C11orf65: variants seen among roughly 807,000 people sequenced by gnomAD.
C11orf65 encodes chromosome 11 open reading frame 65, also known as protein MFI.
C11orf65 carries 38 observed loss-of-function variants against 35.3 expected under a neutral mutation model. That is an observed-to-expected ratio of 1.08 (90% CI 0.83 to 1.41). The LOEUF (loss-of-function observed/expected upper bound fraction) is 1.41. Among genes scored for constraint, C11orf65 ranks in the 40% most tolerant of loss-of-function variants. The pLI is 0.00. For synonymous variants in C11orf65, 105 were observed against 114.4 expected, an observed-to-expected ratio of 0.92 and a Z score of 0.53; for missense variants, 370 against 367.1, an observed-to-expected ratio of 1.01 and a Z score of -0.06.
chr11:108,379,412 T>C (rs1285179081), downstream of C11orf65, among the ~76,000 whole-genome samples: 6 of 135,848 alleles, frequency 4.4e-5, no homozygotes, highest in African/African-American at 1.4e-4. Flanking sequence ...CACTCACAGG[T>C]GGGAATTGAA....
At chr11:108,451,335 A>T (rs1369616937) in intron 2 of C11orf65, among the ~76,000 whole-genome samples, 1 of 152,048 alleles carries the variant, frequency 6.6e-6, no homozygotes, top group Non-Finnish European at 1.5e-5. Flanking sequence ...CAATGTGCAA[A>T]AATCACAAGC....
chr11:108,425,266 AAAG>A (rs1286612264), intron 3 of C11orf65, among the ~76,000 whole-genome samples: 1 of 152,196 alleles, frequency 6.6e-6, no homozygotes, highest in Non-Finnish European at 1.5e-5. Flanking sequence ...CCAGACTAAC[AAAG>A]AAGAGAGAAG....
chr11:108,370,099 C>G (rs1169085748), intron 2 of C11orf65, among the ~76,000 whole-genome samples: 1 of 152,020 alleles, frequency 6.6e-6, no homozygotes, highest in Non-Finnish European at 1.5e-5. Flanking sequence ...GGGATTTTCC[C>G]TTGTTCCTAA....
downstream of C11orf65, among the ~76,000 whole-genome samples, chr11:108,327,066 A>T (rs1412496471): frequency 6.6e-6 from 1 of 152,058 alleles, no homozygotes; most frequent in Non-Finnish European, 1.5e-5. Context: ...GAGCTCAGGC[A>T]ATCTACCCGC....
chr11:108,431,421 A>T (rs1437225363), intron 3 of C11orf65, among the ~76,000 whole-genome samples: 1 of 152,234 alleles, frequency 6.6e-6, no homozygotes, highest in Non-Finnish European at 1.5e-5. Context: ...ATTTATATAC[A>T]GTTCAAAAAC....
intron 2 of C11orf65, among the ~76,000 whole-genome samples, chr11:108,457,954 T>C (rs964585431): frequency 6.6e-6 from 1 of 152,082 alleles, no homozygotes; most frequent in African/African-American, 2.4e-5. Flanking sequence ...TCTCTTCACA[T>C]CTTAGAACAA....
At chr11:108,308,993 T>A in exon 7 of C11orf65, 2 of 1,526,992 alleles carry the variant, frequency 1.3e-6, no homozygotes, top group Non-Finnish European at 1.8e-6. Context: ...TAGAATGGTG[T>A]TGACATTAGC....
At chr11:108,327,570 T>TC (rs34424462), downstream of C11orf65, 2,559 of 1,239,718 alleles carry the variant, frequency 2.1e-3, 46 homozygotes, top group African/African-American at 0.034. Context: ...CCTGCTTTTT[T>TC]CCCCGTACAT....
chr11:108,374,689 G>A (rs1456039112), intron 2 of C11orf65, among the ~76,000 whole-genome samples: 5 of 152,300 alleles, frequency 3.3e-5, no homozygotes, highest in South Asian at 4.1e-4. Context: ...AAACTACTCC[G>A]AGCTACAGGA....
intron 2 of C11orf65, 88 bp downstream of exon 2, chr11:108,461,391 T>G: frequency 2.0e-6 from 2 of 1,005,754 alleles, no homozygotes; most frequent in Admixed American, 2.1e-5. Flanking sequence ...CAGAGAGAGA[T>G]TCTGTCTTAA....
At chr11:108,314,399 C>T (rs992932601) in intron 6 of C11orf65, among the ~76,000 whole-genome samples, 4 of 152,056 alleles carry the variant, frequency 2.6e-5, no homozygotes, top group Non-Finnish European at 5.9e-5. Context: ...AGCCACTGCA[C>T]CCAGCCCATG....
At chr11:108,367,918 ACTTAAAATGT>A (rs1249951277) in intron 2 of C11orf65, 13 of 206,602 alleles carry the variant, frequency 6.3e-5, no homozygotes, top group Admixed American at 3.6e-4. Context: ...AATGCAGTAA[ACTTAAAATGT>A]CTTTAAGAAA....
chr11:108,358,862 C>G (rs887137010), intron 2 of C11orf65, among the ~76,000 whole-genome samples: 1 of 151,450 alleles, frequency 6.6e-6, no homozygotes, highest in Non-Finnish European at 1.5e-5. Flanking sequence ...TAAAGACCAT[C>G]GAGACTAGGA....
intron 1 of C11orf65, 125 bp from the exon 2 acceptor site, chr11:108,461,693 T>C (rs149039290): frequency 1.7e-6 from 1 of 605,460 alleles, no homozygotes; most frequent in Non-Finnish European, 2.8e-6. Context: ...AGTGGTGCGA[T>C]GATAGCTCAC....
chr11:108,431,664 TATG>T (rs1397416129), intron 3 of C11orf65, 79 bp downstream of exon 3: 23 of 722,306 alleles, frequency 3.2e-5, no homozygotes, highest in Admixed American at 8.9e-5. Context: ...AAGAAACAAA[TATG>T]ATGAGCACAC....
Position 108,321,364 on chromosome 11 carries a change from A to G in C11orf65, c.641-12293T>C, listed in dbSNP as rs576254168. 1.2e-6 allele frequency: 2 copies of G among 1,614,192 alleles called. No homozygotes were observed. The highest frequency in any genetic ancestry group is 1.3e-5 in the African/African-American group (1 of 75,062). ...AGTCTGTGTATTCGCTCTATCCCAC[A>G]CTTAGCAGGTTGCAGGCCATTGGAG... On this transcript the variant is annotated intron_variant, in intron 6 of 6. Transcript: ENST00000525729.
At chr11:108,417,075 T>C (rs1329402789) in intron 3 of C11orf65, among the ~76,000 whole-genome samples, 1 of 152,144 alleles carries the variant, frequency 6.6e-6, no homozygotes, top group Non-Finnish European at 1.5e-5. Flanking sequence ...CTCATTCCCA[T>C]AGAAGGCCAT....
At chr11:108,395,626 T>TAAAATAATAATAA (rs1330171736) in intron 6 of C11orf65, among the ~76,000 whole-genome samples, 1 of 146,378 alleles carries the variant, frequency 6.8e-6, no homozygotes, top group Admixed American at 6.8e-5. Context: ...CCAAATTTTT[T>TAAAATAATAATAA]TTTTTTTTTT....
At chr11:108,336,120 G>A in intron 2 of C11orf65, 2 of 571,118 alleles carry the variant, frequency 3.5e-6, no homozygotes, top group Non-Finnish European at 6.2e-6. Context: ...AACATAGTGA[G>A]ACCCCATCTT....
Sources: gnomAD v4.1 joint callset for allele counts (sites outside exome capture counted in the v4.1 genomes callset) on GRCh38, gnomAD v4.1.1 for gene constraint, MANE v1.5 for transcripts, NCBI Gene and HGNC (gene_info 2026-07-23, HGNC 2026-07-21) for gene names.